The following ASAP1 variants were observed in gnomAD, a reference collection of about 807,000 sequenced individuals.
ASAP1 encodes the protein ArfGAP with SH3 domain, ankyrin repeat and PH domain 1, also known as arf-GAP with SH3 domain, ANK repeat and PH domain-containing protein 1.
Under a neutral mutation model 145.2 loss-of-function variants are expected in ASAP1, and 43 were observed. That is an observed-to-expected ratio of 0.30 (90% CI 0.23 to 0.38). ASAP1 has a LOEUF of 0.38. Ranked by LOEUF, ASAP1 falls within the 10% of genes least tolerant of loss-of-function variation. The pLI is 1.00. For missense variants in ASAP1, 1,018 were observed against 1,355.3 expected (o/e 0.75, Z 3.91); for synonymous variants, 546 against 515.5 (o/e 1.06, Z -0.80).
At chr8:130,413,830 C>T (rs1305298332) in intron 1 of ASAP1, among the ~76,000 whole-genome samples, 4 of 152,056 alleles carry the variant, frequency 2.6e-5, no homozygotes, top group Admixed American at 1.3e-4. Flanking sequence ...TAATGAGTGC[C>T]GATTATGTTG....
intron 3 of ASAP1, among the ~76,000 whole-genome samples, chr8:130,340,244 A>AG (rs1379760390): frequency 1.3e-5 from 2 of 152,190 alleles, no homozygotes; most frequent in African/African-American, 4.8e-5. Flanking sequence ...TACAAGGCAA[A>AG]GGGGAACTTT....
intron 3 of ASAP1, among the ~76,000 whole-genome samples, chr8:130,324,961 T>A (rs1824234083): frequency 6.6e-6 from 1 of 152,160 alleles, no homozygotes; most frequent in African/African-American, 2.4e-5. Flanking sequence ...CAAAGGTGAC[T>A]GAGAACAAGG....
chr8:130,138,688 T>C (rs753704034), intron 13 of ASAP1, among the ~76,000 whole-genome samples: 53 of 151,850 alleles, frequency 3.5e-4, no homozygotes, highest in Non-Finnish European at 6.0e-4. Flanking sequence ...AATACAAAAT[T>C]AGCCGGGCGT....
At chr8:130,352,393 C>T (rs1387853335) in intron 3 of ASAP1, among the ~76,000 whole-genome samples, 1 of 152,064 alleles carries the variant, frequency 6.6e-6, no homozygotes, top group East Asian at 1.9e-4. Flanking sequence ...GACGTCAAAC[C>T]CTGACCACAG....
chr8:130,435,919 C>G (rs1245689255), intron 1 of ASAP1, among the ~76,000 whole-genome samples: 2 of 152,122 alleles, frequency 1.3e-5, no homozygotes, highest in Non-Finnish European at 2.9e-5. Flanking sequence ...TTTCCAGGAC[C>G]CAGGAAACAC....
At chr8:130,307,236 G>A (rs985907643) in intron 3 of ASAP1, among the ~76,000 whole-genome samples, 1 of 149,472 alleles carries the variant, frequency 6.7e-6, no homozygotes, top group Non-Finnish European at 1.5e-5. Context: ...CCAACACCCA[G>A]AACAATTACT....
intron 2 of ASAP1, among the ~76,000 whole-genome samples, chr8:130,372,220 G>A (rs1226327787): frequency 6.6e-6 from 1 of 152,194 alleles, no homozygotes; most frequent in Non-Finnish European, 1.5e-5. Flanking sequence ...CCCACAGAAT[G>A]GATTTCTGAA....
intron 24 of ASAP1, among the ~76,000 whole-genome samples, chr8:130,092,869 G>C (rs1328607002): frequency 6.7e-6 from 1 of 148,980 alleles, no homozygotes; most frequent in African/African-American, 2.5e-5. Context: ...AACATGAAAT[G>C]ATTCATATAA....
At chr8:130,094,393 A>T (rs993951784) in intron 24 of ASAP1, among the ~76,000 whole-genome samples, 1 of 152,052 alleles carries the variant, frequency 6.6e-6, no homozygotes, top group South Asian at 2.1e-4. Context: ...AAAAATTTTT[A>T]AATTTTTAGT....
chr8:130,054,694 A>G lies in ASAP1; in HGVS notation c.*37T>C, dbSNP rs769612677. On this transcript the variant is annotated 3_prime_UTR_variant, in exon 30 of 30. Coordinates refer to ENST00000518721, the MANE Select transcript of ASAP1 (RefSeq NM_018482.4). ...GGTTACATGAAGGCAGCAGTCTTGC[A>G]TGAAGGATGTGGACAATCTTAAGGT... is the stretch of plus-strand genomic sequence containing the variant. The G allele has an allele frequency of 5.1e-6, 8 of 1,577,608 alleles. No homozygotes were observed. In the South Asian group the frequency reaches 5.5e-5, roughly 11 times the overall value.
chr8:130,074,407 G>A (rs1245479774), intron 27 of ASAP1, among the ~76,000 whole-genome samples: 1 of 148,236 alleles, frequency 6.7e-6, no homozygotes, highest in East Asian at 2.0e-4. Flanking sequence ...TTGTATTTCT[G>A]TATATGTTTA....
chr8:130,079,683 C>A (rs543604203), intron 26 of ASAP1, among the ~76,000 whole-genome samples: 1 of 152,118 alleles, frequency 6.6e-6, no homozygotes, highest in South Asian at 2.1e-4. Flanking sequence ...GGGTAGACAG[C>A]GTTGCTGCTC....
At chr8:130,173,381 C>A (rs1813716913) in intron 9 of ASAP1, among the ~76,000 whole-genome samples, 1 of 152,178 alleles carries the variant, frequency 6.6e-6, no homozygotes, top group Non-Finnish European at 1.5e-5. Flanking sequence ...CAGAGAGCCA[C>A]CACGACCTGC....
intron 3 of ASAP1, among the ~76,000 whole-genome samples, chr8:130,273,971 AC>A (rs1820732426): frequency 6.6e-6 from 1 of 152,218 alleles, no homozygotes; most frequent in South Asian, 2.1e-4. Flanking sequence ...GCTGGGGTCC[AC>A]GAGAAAAGTA....
At chr8:130,401,996 G>C (rs1828819255) in intron 1 of ASAP1, 26 bp from the exon 2 acceptor site, 1 of 1,504,112 alleles carries the variant, frequency 6.6e-7, no homozygotes, top group Non-Finnish European at 9.2e-7. Context: ...GACAAAAAGG[G>C]GACAAGAGTC....
chr8:130,331,229 A>G (rs565781235), intron 3 of ASAP1, among the ~76,000 whole-genome samples: 1 of 152,316 alleles, frequency 6.6e-6, no homozygotes, highest in South Asian at 2.1e-4. Context: ...GTAGGGCCCT[A>G]TTACCCCTTA....
chr8:130,314,083 G>A (rs749796032), intron 3 of ASAP1, among the ~76,000 whole-genome samples: 47 of 152,160 alleles, frequency 3.1e-4, no homozygotes, highest in African/African-American at 1.1e-3. Context: ...TCTAGAATGC[G>A]TCACCTTCAA....
At chr8:130,409,218 C>T (rs997708533) in intron 1 of ASAP1, among the ~76,000 whole-genome samples, 4 of 151,756 alleles carry the variant, frequency 2.6e-5, no homozygotes, top group Admixed American at 6.6e-5. Flanking sequence ...GCCGAGATTG[C>T]GCCACTGCAC....
chr8:130,126,144 G>C (rs2097574630), intron 16 of ASAP1, 55 bp from the exon 17 acceptor site: 1 of 1,525,490 alleles, frequency 6.6e-7, no homozygotes, highest in Non-Finnish European at 8.9e-7. Context: ...ATTTTAGTGT[G>C]CCAACTACAG....
Sources: allele counts gnomAD v4.1 joint callset (sites outside exome capture counted in the v4.1 genomes callset), GRCh38; gene constraint gnomAD v4.1.1; transcripts MANE v1.5; gene names NCBI Gene and HGNC (gene_info 2026-07-23, HGNC 2026-07-21).